ASCC3: variants seen among roughly 807,000 people sequenced by gnomAD.
ASCC3 encodes the protein ASC-1 complex subunit P200.
A neutral mutation model predicts 256.3 loss-of-function variants in ASCC3; 158 were observed. The ratio of observed to expected loss-of-function variants is 0.62; its 90% confidence interval spans 0.54 to 0.70. ASCC3 has a LOEUF of 0.70. Among genes scored for constraint, ASCC3 ranks in the 30% least tolerant of loss-of-function variants. ASCC3 has a pLI of 0.00. For synonymous variants in ASCC3, 948 were observed against 883.4 expected (o/e 1.07, Z -1.30); for missense variants, 2,259 against 2,626.0 (o/e 0.86, Z 3.05).
At chr6:100,525,783 A>G (rs1262826199) in intron 37 of ASCC3, among the ~76,000 whole-genome samples, 1 of 152,320 alleles carries the variant, frequency 6.6e-6, no homozygotes, top group South Asian at 2.1e-4. Flanking sequence ...TATCTTTGCA[A>G]CTTTTCTGGA....
At chr6:100,517,333 A>G (rs1474838009) in intron 38 of ASCC3, among the ~76,000 whole-genome samples, 1 of 152,148 alleles carries the variant, frequency 6.6e-6, no homozygotes, top group African/African-American at 2.4e-5. Flanking sequence ...TTGCTTGTCT[A>G]CATGACTGTG....
chr6:100,574,206 C>T (rs1770743764), intron 36 of ASCC3, among the ~76,000 whole-genome samples: 1 of 152,086 alleles, frequency 6.6e-6, no homozygotes, highest in Non-Finnish European at 1.5e-5. Flanking sequence ...GAATACATAG[C>T]AAACTTTAAT....
At position 100,696,561 on chromosome 6, in the gene ASCC3, A is replaced by G. The variant is rs186174100; in HGVS notation, c.2152-16809T>C. On this transcript the variant is annotated intron_variant, in intron 13 of 41. Coordinates refer to ENST00000369162, the MANE Select transcript of ASCC3 (RefSeq NM_006828.4). Reference sequence around the variant, plus strand: ...AGCTAATAAGGAGATTCAATACATCATTCTCTAGAATGAAATAAATAGCTG... The same window carrying G: ...AGCTAATAAGGAGATTCAATACATCGTTCTCTAGAATGAAATAAATAGCTG... Among the ~76,000 whole-genome samples, 602 of 152,130 alleles carry G rather than the reference A, an allele frequency of 4.0e-3. 15 individuals carry two copies. The highest frequency in any genetic ancestry group is 9.0e-4 in the Non-Finnish European group (61 of 67,942).
At chr6:100,856,495 A>C in intron 3 of ASCC3, 1 of 828,544 alleles carries the variant, frequency 1.2e-6, no homozygotes, top group African/African-American at 1.8e-5. Context: ...TTTTTATTGA[A>C]TATAACAAGA....
Position 100,708,545 on chromosome 6 carries a change from C to T in ASCC3, c.2151+6917G>A, listed in dbSNP as rs79490096. ...TTCAACCAAGGGCACTTATGTACCC[C>T]GGGGAACATCTGGTAATGTCTGGAG... On this transcript the variant is annotated intron_variant, in intron 13 of 41. Coordinates refer to ENST00000369162, the MANE Select transcript of ASCC3 (RefSeq NM_006828.4). Among the ~76,000 whole-genome samples, 1,941 of 152,050 alleles carry T rather than the reference C, an allele frequency of 0.013. 100 individuals carry two copies. In the East Asian group the frequency reaches 0.15, roughly 11 times the overall value.
intron 11 of ASCC3, among the ~76,000 whole-genome samples, chr6:100,720,839 A>G (rs184615684): frequency 6.9e-6 from 1 of 144,698 alleles, no homozygotes; most frequent in Non-Finnish European, 1.5e-5. Flanking sequence ...ATATACACTT[A>G]TATATTGATA....
chr6:100,633,391 CA>C (rs1234249202), intron 25 of ASCC3, among the ~76,000 whole-genome samples: 6 of 151,894 alleles, frequency 4.0e-5, no homozygotes, highest in Non-Finnish European at 2.9e-5. Flanking sequence ...GTAATGGCCC[CA>C]AAGCACAAGA....
In ASCC3 at chr6:100,702,099, C is replaced by T. The variant is rs75806937; in HGVS notation, c.2151+13363G>A. Among the ~76,000 whole-genome samples, 161 of 152,176 alleles carry T rather than the reference C, an allele frequency of 1.1e-3. 1 individual carries two copies. The highest frequency in any genetic ancestry group is 2.8e-3 in the African/African-American group (116 of 41,530). On this transcript the variant is annotated intron_variant, in intron 13 of 41. Coordinates refer to ENST00000369162, the MANE Select transcript of ASCC3 (RefSeq NM_006828.4). ...GCCAGGTCTAGCTAGCTGCTATGTA[C>T]AGTCTGTCAATAAGAGGGACAGAAT...
At chr6:100,874,320 G>A (rs2114570175) in intron 1 of ASCC3, among the ~76,000 whole-genome samples, 1 of 152,138 alleles carries the variant, frequency 6.6e-6, no homozygotes, top group South Asian at 2.1e-4. Context: ...ACAGAAATTA[G>A]TTGGGCGTGG....
intron 8 of ASCC3, among the ~76,000 whole-genome samples, chr6:100,797,676 A>T (rs1769699645): frequency 6.6e-6 from 1 of 151,776 alleles, no homozygotes; most frequent in South Asian, 2.1e-4. Context: ...AAATATTGAT[A>T]CGTGGACCTC....
chr6:100,531,920 A>G (rs1236337149), intron 37 of ASCC3, among the ~76,000 whole-genome samples: 1 of 151,888 alleles, frequency 6.6e-6, no homozygotes, highest in African/African-American at 2.4e-5. Flanking sequence ...TGTGTTTTGA[A>G]TGTTTTGGAT....
chr6:100,789,081 C>A (rs1489328635), intron 8 of ASCC3, among the ~76,000 whole-genome samples: 2 of 149,714 alleles, frequency 1.3e-5, no homozygotes, highest in African/African-American at 4.9e-5. Context: ...AGCAATACAA[C>A]AAAATGAGGG....
chr6:100,621,395 GA>G (rs1194009966), intron 30 of ASCC3, among the ~76,000 whole-genome samples: 1 of 151,816 alleles, frequency 6.6e-6, no homozygotes, highest in Non-Finnish European at 1.5e-5. Context: ...AAATTTACAT[GA>G]AAAAAAGAAC....
chr6:100,865,877 C>A (rs1773452277), intron 2 of ASCC3, among the ~76,000 whole-genome samples: 1 of 152,048 alleles, frequency 6.6e-6, no homozygotes, highest in Non-Finnish European at 1.5e-5. Flanking sequence ...AAACATTTGC[C>A]CTTTCCCTGT....
At chr6:100,682,554 C>T (rs1398357000) in intron 13 of ASCC3, among the ~76,000 whole-genome samples, 1 of 152,164 alleles carries the variant, frequency 6.6e-6, no homozygotes, top group African/African-American at 2.4e-5. Context: ...GAACCCTAAA[C>T]ATGGAGCTAC....
chr6:100,739,139 T>C (rs985789478), intron 10 of ASCC3, among the ~76,000 whole-genome samples: 6 of 152,198 alleles, frequency 3.9e-5, no homozygotes, highest in African/African-American at 1.4e-4. Flanking sequence ...TATTGAGAGA[T>C]TATAATAGGA....
intron 1 of ASCC3, among the ~76,000 whole-genome samples, chr6:100,871,408 T>A (rs1773736958): frequency 6.6e-6 from 1 of 152,104 alleles, no homozygotes; most frequent in Admixed American, 6.5e-5. Context: ...TCTTTTATTC[T>A]TAAATCACCG....
chr6:100,741,047 T>A (rs1030914552), intron 10 of ASCC3, among the ~76,000 whole-genome samples: 1 of 152,244 alleles, frequency 6.6e-6, no homozygotes, highest in Admixed American at 6.5e-5. Context: ...TTTACTGCTT[T>A]CTTCAAGAGT....
chr6:100,809,917 C>T (rs1397529812), intron 4 of ASCC3, among the ~76,000 whole-genome samples: 3 of 152,014 alleles, frequency 2.0e-5, no homozygotes, highest in Non-Finnish European at 4.4e-5. Context: ...GAATAGTATC[C>T]CAGCCCACCT....
Sources: allele counts gnomAD v4.1 joint callset (sites outside exome capture counted in the v4.1 genomes callset), GRCh38; gene constraint gnomAD v4.1.1; transcripts MANE v1.5; gene names NCBI Gene and HGNC (gene_info 2026-07-23, HGNC 2026-07-21).